Variants in LPCAT3 observed in about 807,000 individuals in gnomAD.
The protein encoded by LPCAT3 is lysophosphatidylcholine acyltransferase 3.
Under a neutral mutation model 63.4 loss-of-function variants are expected in LPCAT3, and 21 were observed. The observed-to-expected ratio is 0.33, with a 90% CI of 0.23 to 0.48. The LOEUF (loss-of-function observed/expected upper bound fraction) is 0.48, where lower values mean the gene tolerates loss of function less well. Among genes scored for constraint, LPCAT3 ranks in the 20% least tolerant of loss-of-function variants. The probability of loss-of-function intolerance (pLI) is 0.99; values close to 1 mark genes in which losing one functional copy is unlikely to be tolerated. For synonymous variants in LPCAT3, 242 were observed against 227.5 expected, an observed-to-expected ratio of 1.06 and a Z score of -0.58; for missense variants, 451 against 590.6, an observed-to-expected ratio of 0.76 and a Z score of 2.45.
intron 2 of LPCAT3, 185 bp downstream of exon 2, chr12:6,983,247 C>A (rs1946488488): frequency 7.4e-6 from 4 of 539,448 alleles, no homozygotes; most frequent in Non-Finnish European, 1.0e-5. Context: ...TTTTATCTGA[C>A]AGAAGAATGT....
At position 6,977,568 on chromosome 12, in the gene LPCAT3, T is replaced by G. The variant is rs1311023902; in HGVS notation, c.1188+30A>C. 1.9e-6 allele frequency: 3 copies of G among 1,614,010 alleles called. No homozygotes were observed. In the African/African-American group the frequency reaches 4.0e-5, roughly 22 times the overall value. The stretch of plus-strand genomic sequence containing the variant: ...GCTCATCAGCATCTTGTCCCTTATA[T>G]TCCCCTTCACCCCCACCCTGGAGGC... On this transcript the variant is annotated intron_variant, in intron 10 of 12. Coordinates refer to ENST00000261407, the MANE Select transcript of LPCAT3 (RefSeq NM_005768.6). The surrounding 1 kb of genome is among the most constrained non-coding windows in gnomAD (Gnocchi z 4.5).
At chr12:6,978,115 C>T (rs1946429780) in intron 9 of LPCAT3, 2 of 582,360 alleles carry the variant, frequency 3.4e-6, no homozygotes, top group South Asian at 4.4e-5. Context: ...GCTGGAGTAA[C>T]ACCCAGGTCT....
In LPCAT3 at chr12:7,000,534, G is replaced by C. The variant is rs1195028835; in HGVS notation, c.152-16995C>G. ...ACCCGGGAGGCAGAGCTTGCAGTGA[G>C]CCGAGATCACGCCACTGCACTCCAG... On this transcript the variant is annotated intron_variant, in intron 1 of 12. Coordinates refer to ENST00000261407, the MANE Select transcript of LPCAT3 (RefSeq NM_005768.6). Among the ~76,000 whole-genome samples the C allele has an allele frequency of 1.4e-3, 190 of 133,618 alleles. 1 individual carries two copies. The highest frequency in any genetic ancestry group is 5.3e-3 in the African/African-American group (184 of 34,790). The allele number at this position is 133,618 out of a possible 152,430, so 87.7% of individuals were successfully genotyped here.
chr12:7,016,797 G>A (rs1055877025), intron 1 of LPCAT3, among the ~76,000 whole-genome samples: 1 of 152,212 alleles, frequency 6.6e-6, no homozygotes, highest in Non-Finnish European at 1.5e-5. Flanking sequence ...CTAGACTAGG[G>A]TGCTGATAAA....
chr12:6,976,602 ATTC>A lies in LPCAT3; in HGVS notation c.*299_*301del, dbSNP rs201186634. Reference sequence around the variant, plus strand: ...TAGCTGGGCATGGTGGCGTGCCTGTATTCCCAGCTACTTGGGAGGCTGAGGCAG... The same window carrying A: ...TAGCTGGGCATGGTGGCGTGCCTGTACCAGCTACTTGGGAGGCTGAGGCAG... On this transcript the variant is annotated 3_prime_UTR_variant, in exon 13 of 13. Transcript: ENST00000261407. The A allele has an allele frequency of 0.015, 2,346 of 153,450 alleles. 29 individuals carry two copies. The highest frequency in any genetic ancestry group is 0.023 in the Admixed American group (362 of 15,490). 9.5% of individuals were successfully genotyped at this position (153,450 alleles called of 1,614,324 possible).
intron 9 of LPCAT3, chr12:6,978,017 A>G (rs928226959): frequency 1.1e-5 from 6 of 560,020 alleles, no homozygotes; most frequent in African/African-American, 9.4e-5. Context: ...CAGACACTCT[A>G]CTCAAGCTGC....
In LPCAT3 at chr12:6,978,414, G is replaced by A. The variant is rs1555153603; in HGVS notation, c.967C>T (p.Leu323Phe). The A allele has an allele frequency of 6.2e-7, 1 of 1,614,054 alleles. No individual in the cohort carries two copies. The highest frequency in any genetic ancestry group is 1.1e-5 in the South Asian group (1 of 91,078). ...GTGAAGCGGGGGTTTGTTTCAAAGA[G>A]CCACACCTTCATGTTGGCACAGGCA... is the stretch of plus-strand genomic sequence containing the variant. ...WDACANMKVW[L>F]FETNPRFTGT... Residue 323 changes from leucine to phenylalanine, a missense_variant, in exon 9 of 13, where the codon CTC becomes TTC. Leu to Phe is a conservative substitution (Grantham distance 22). This residue lies in a region of LPCAT3 where 304 missense variants were observed against 390.8 expected (regional missense o/e 0.78). Transcript: ENST00000261407.
At position 6,981,195 on chromosome 12, in the gene LPCAT3, G is replaced by A; in HGVS notation, c.499-13C>T. On this transcript the variant is annotated splice_polypyrimidine_tract_variant and intron_variant, in intron 5 of 12. Coordinates refer to ENST00000261407, the MANE Select transcript of LPCAT3 (RefSeq NM_005768.6). ...AGGACAAGGAATTCTATGCCAAGAAGAGAATGCATGGTTCAGGATAGCCTT... is the reference window on the plus strand; with the variant it reads ...AGGACAAGGAATTCTATGCCAAGAAAAGAATGCATGGTTCAGGATAGCCTT... 6.3e-7 allele frequency: 1 copy of A among 1,597,898 alleles called. No individual in the cohort carries two copies. The highest frequency in any genetic ancestry group is 8.5e-7 in the Non-Finnish European group (1 of 1,171,902).
chr12:6,995,834 C>T (rs185050684), intron 1 of LPCAT3, among the ~76,000 whole-genome samples: 15 of 152,202 alleles, frequency 9.9e-5, no homozygotes, highest in Non-Finnish European at 1.6e-4. Flanking sequence ...CACTTCTCTC[C>T]GCCTCTACTG....
Position 6,983,514 on chromosome 12 carries a change from C to A in LPCAT3, c.177G>T (p.Arg59=). The stretch of plus-strand genomic sequence containing the variant: ...AGGTCTCCTTGTAGAAAAGGTAATG[C>A]CGATAAAACAAAGCAAAGGGGTAAC... The part of the protein sequence containing the change: ...FLGYPFALFY[R]HYLFYKETYL... The change falls in exon 2 of 13, where the codon CGG becomes CGT. Residue 59 remains arginine, a synonymous_variant. Coordinates refer to ENST00000261407, the MANE Select transcript of LPCAT3 (RefSeq NM_005768.6). 6.2e-7 allele frequency: 1 copy of A among 1,611,218 alleles called. No individual in the cohort carries two copies. Among genetic ancestry groups the A allele is most frequent in the Non-Finnish European group, 8.5e-7 (1 of 1,177,754 alleles).
chr12:6,979,149 A>G lies in LPCAT3; in HGVS notation c.786+322T>C, dbSNP rs1235256731. On this transcript the variant is annotated intron_variant, in intron 7 of 12. Coordinates refer to ENST00000261407, the MANE Select transcript of LPCAT3 (RefSeq NM_005768.6). The stretch of plus-strand genomic sequence containing the variant: ...AGTGCCCAAATGTATCAGTCAAGAG[A>G]AGAAAATAGGATGGAGAATCAGAAG... The G allele has an allele frequency of 3.3e-5, 12 of 367,224 alleles. 1 individual carries two copies. Among genetic ancestry groups the G allele is most frequent in the South Asian group, 8.3e-5 (2 of 24,094 alleles). 22.7% of individuals were successfully genotyped at this position (367,224 alleles called of 1,614,324 possible). A position where few individuals can be genotyped will look rare whatever the true frequency, so the allele number is the denominator to read the frequency against.
chr12:6,992,385 T>C (rs187017601), intron 1 of LPCAT3, among the ~76,000 whole-genome samples: 167 of 152,156 alleles, frequency 1.1e-3, no homozygotes, highest in Middle Eastern at 3.4e-3. Context: ...AAACTGGCTC[T>C]GTTTTGATTG....
intron 3 of LPCAT3, among the ~76,000 whole-genome samples, chr12:6,982,363 C>T (rs1390812080): frequency 2.0e-5 from 3 of 152,122 alleles, no homozygotes; most frequent in Non-Finnish European, 4.4e-5. Flanking sequence ...TTAACTCATT[C>T]TAAGTTGCTT....
At position 6,977,502 on chromosome 12, in the gene LPCAT3, G is replaced by A. The variant is rs782167922; in HGVS notation, c.1212C>T (p.Ser404=). The A allele has an allele frequency of 3.0e-5, 49 of 1,614,088 alleles. No homozygotes were observed. Among genetic ancestry groups the A allele is most frequent in the Non-Finnish European group, 4.2e-5 (49 of 1,180,048 alleles). ...ERQAARLIQE[S]PTLSKLAAIT... is the part of the protein sequence containing the mutation. Reference sequence around the variant, plus strand: ...TGGCGGCCAGCTTGCTCAGGGTGGGGCTCTCTTGAATGAGCCTGGCAGCCT... The same window carrying A: ...TGGCGGCCAGCTTGCTCAGGGTGGGACTCTCTTGAATGAGCCTGGCAGCCT... Residue 404 remains serine, a synonymous_variant, in exon 11 of 13, where the codon AGC becomes AGT. Transcript: ENST00000261407. The surrounding 1 kb of genome is among the most constrained non-coding windows in gnomAD (Gnocchi z 4.5).
rs1014894447 is a variant in LPCAT3 at position 6,979,678 on chromosome 12, T to C, written c.678-99A>G. 58 of 800,856 alleles carry C rather than the reference T, an allele frequency of 7.2e-5. 1 individual carries two copies. In the Middle Eastern group the frequency reaches 2.5e-3, roughly 34 times the overall value. The allele number at this position is 800,856 out of a possible 1,614,324, so 49.6% of individuals were successfully genotyped here. ...TGGAGAGGAGTGTTTAGGGGTGTGG[T>C]TGTCTACCTGGAATGGGATGAGAAG... On this transcript the variant is annotated intron_variant, in intron 6 of 12. Transcript: ENST00000261407.
intron 1 of LPCAT3, among the ~76,000 whole-genome samples, chr12:6,999,783 AT>A (rs1411977755): frequency 2.0e-5 from 3 of 152,188 alleles, no homozygotes; most frequent in African/African-American, 7.2e-5. Flanking sequence ...TACTCAGGGA[AT>A]TTTATCACAT....
intron 6 of LPCAT3, chr12:6,979,879 A>G (rs1451782553): frequency 2.0e-5 from 7 of 352,812 alleles, no homozygotes; most frequent in Admixed American, 4.4e-5. Context: ...AGGTCTCACA[A>G]TCTCCATTGG....
At chr12:6,983,207 G>T (rs1434703950) in intron 2 of LPCAT3, 2 of 478,338 alleles carry the variant, frequency 4.2e-6, no homozygotes, top group East Asian at 4.1e-5. Flanking sequence ...TGTTGATGAG[G>T]TATGGCAAGG....
At position 6,987,067 on chromosome 12, in the gene LPCAT3, C is replaced by T. The variant is rs1367527890; in HGVS notation, c.152-3528G>A. On this transcript the variant is annotated intron_variant, in intron 1 of 12. Transcript: ENST00000261407. The surrounding 1 kb of genome is among the most constrained non-coding windows in gnomAD (Gnocchi z 4.1). ...GGCGGAGGTGGCAGTGAGCTGAGAT[C>T]ACGCCATTGCACTCCAGCTTGGGCA... is the stretch of plus-strand genomic sequence containing the variant. Among the ~76,000 whole-genome samples, 1 of 151,536 alleles carries T rather than the reference C, an allele frequency of 6.6e-6. No homozygotes were observed. The highest frequency in any genetic ancestry group is 1.5e-5 in the Non-Finnish European group (1 of 67,956).
Sources: allele counts gnomAD v4.1 joint callset (sites outside exome capture counted in the v4.1 genomes callset), GRCh38; gene constraint gnomAD v4.1.1; regional missense constraint gnomAD v4.1.1; non-coding constraint Gnocchi (gnomAD v3.1); transcripts MANE v1.5; gene names NCBI Gene and HGNC (gene_info 2026-07-23, HGNC 2026-07-21).